Variants in TBC1D31 observed in about 807,000 individuals in gnomAD.
TBC1D31 encodes the protein TBC1 domain family member 31.
TBC1D31 carries 99 observed loss-of-function variants against 132.9 expected under a neutral mutation model. The ratio of observed to expected loss-of-function variants is 0.74; its 90% confidence interval spans 0.63 to 0.88. TBC1D31 has a LOEUF of 0.88. TBC1D31 is among the 40% of genes least tolerant of loss of function. The pLI is 0.00. For missense variants in TBC1D31, 1,134 were observed against 1,256.6 expected (o/e 0.90, Z 1.48); for synonymous variants, 385 against 419.4 (o/e 0.92, Z 1.00).
intron 2 of TBC1D31, among the ~76,000 whole-genome samples, chr8:123,082,023 G>C (rs955655690): frequency 6.6e-6 from 1 of 152,098 alleles, no homozygotes; most frequent in South Asian, 2.1e-4. Context: ...TTTAAATTAC[G>C]TATGTAGCCC....
Position 123,144,831 on chromosome 8 carries a change from C to CA in TBC1D31, c.2951dup (p.His984GlnfsTer3), listed in dbSNP as rs747284173. On this transcript the variant is annotated frameshift_variant, in exon 20 of 22. Coordinates refer to ENST00000287380, the MANE Select transcript of TBC1D31 (RefSeq NM_145647.4). LOFTEE classifies it high-confidence loss of function. ...GCAAGAGATAAATGCGGCTGTAGAA[C>CA]ATGCTGAAAATCCATGTCATAAAGG... The CA allele has an allele frequency of 5.8e-5, 94 of 1,612,720 alleles. No individual in the cohort carries two copies. Among genetic ancestry groups the CA allele is most frequent in the Non-Finnish European group, 7.4e-5 (87 of 1,179,740 alleles).
At chr8:123,153,406 A>G (rs1400582324), downstream of TBC1D31, among the ~76,000 whole-genome samples, 4 of 152,188 alleles carry the variant, frequency 2.6e-5, no homozygotes, top group Admixed American at 2.6e-4. Flanking sequence ...TCTTTTTTAT[A>G]TATAGAACTG....
rs575106434 is a variant in TBC1D31 at position 123,076,711 on chromosome 8, A to G, written c.78-400A>G. On this transcript the variant is annotated intron_variant, in intron 1 of 21. Coordinates refer to ENST00000287380, the MANE Select transcript of TBC1D31 (RefSeq NM_145647.4). ...ATTCACTGTGAAACATTCCATACAC[A>G]AAAACAAAATCTCATACCCTGTTGT... is the stretch of plus-strand genomic sequence containing the variant. 3.3e-5 allele frequency among the ~76,000 whole-genome samples: 5 copies of G among 152,338 alleles called. No homozygotes were observed. In the East Asian group the frequency reaches 9.6e-4, roughly 29 times the overall value.
intron 13 of TBC1D31, among the ~76,000 whole-genome samples, chr8:123,127,261 A>ATTTTTTTTTTTTTTTTTTTTTTTTT (rs35198781): frequency 2.9e-5 from 2 of 69,924 alleles, no homozygotes; most frequent in African/African-American, 1.2e-4. Flanking sequence ...TGCTTTTTGC[A>ATTTTTTTTTTTTTTTTTTTTTTTTT]TTTTTTTTTT....
intron 5 of TBC1D31, among the ~76,000 whole-genome samples, chr8:123,093,995 A>G (rs2130183712): frequency 6.6e-6 from 1 of 152,094 alleles, no homozygotes; most frequent in South Asian, 2.1e-4. Context: ...TATTTATACC[A>G]GCCTTTCCTC....
chr8:123,150,034 A>G lies in TBC1D31; in HGVS notation c.2975-2A>G. On this transcript the variant is annotated splice_acceptor_variant, in intron 20 of 21. Transcript: ENST00000287380. LOFTEE classifies it high-confidence loss of function. ...ATCTTAATCTCCTCACTTTTATAAC[A>G]GAAGAACCCAGGTTCCAAAATGAAC... 2 of 1,612,652 alleles carry G rather than the reference A, an allele frequency of 1.2e-6. No homozygotes were observed. The highest frequency in any genetic ancestry group is 1.7e-6 in the Non-Finnish European group (2 of 1,178,660).
the TBC1D31 span, among the ~76,000 whole-genome samples, chr8:123,159,829 T>A: frequency 2.6e-5 from 4 of 151,396 alleles, no homozygotes; most frequent in African/African-American, 9.7e-5. Flanking sequence ...ATTAATACGC[T>A]GAGGGGTGGC....
At chr8:123,160,877 G>A in the TBC1D31 span, among the ~76,000 whole-genome samples, 1 of 152,194 alleles carries the variant, frequency 6.6e-6, no homozygotes. Context: ...CCTTCGAGTG[G>A]AATGAAACTC....
At chr8:123,073,170 C>G (rs1032497847) in intron 1 of TBC1D31, 2 of 483,630 alleles carry the variant, frequency 4.1e-6, no homozygotes, top group South Asian at 1.8e-5. Context: ...GTCCCTGGCA[C>G]GTAGTAGGTG....
chr8:123,103,660 G>A (rs1045490553), intron 7 of TBC1D31: 1 of 152,260 alleles, frequency 6.6e-6, no homozygotes, highest in Non-Finnish European at 1.5e-5. Context: ...TGACCTTGGT[G>A]ATCCACCCGC....
chr8:123,154,677 C>A (rs1463025233), downstream of TBC1D31, among the ~76,000 whole-genome samples: 1 of 152,188 alleles, frequency 6.6e-6, no homozygotes, highest in Non-Finnish European at 1.5e-5. Context: ...CAGGGTGGTA[C>A]TGCTGGCATG....
intron 4 of TBC1D31, among the ~76,000 whole-genome samples, chr8:123,088,895 T>C (rs547880883): frequency 1.3e-5 from 2 of 152,212 alleles, no homozygotes; most frequent in Non-Finnish European, 2.9e-5. Context: ...GTTTCATCAT[T>C]ATTGTTTAAT....
At position 123,082,764 on chromosome 8, in the gene TBC1D31, A is replaced by C; in HGVS notation, c.287A>C (p.Lys96Thr). 6.2e-7 allele frequency: 1 copy of C among 1,613,456 alleles called. No individual in the cohort carries two copies. The highest frequency in any genetic ancestry group is 8.5e-7 in the Non-Finnish European group (1 of 1,179,992). Residue 96 changes from lysine to threonine, a missense_variant, in exon 3 of 22, where the codon AAA becomes ACA. Lys to Thr is a moderately conservative substitution (Grantham distance 78). Coordinates refer to ENST00000287380, the MANE Select transcript of TBC1D31 (RefSeq NM_145647.4). ...CTALAFNLRR[K>T]SEFLVALADY... ...GCTCTGGCCTTTAATCTTCGTAGGA[A>C]ATCTGAATTCCTTGTGGCATTAGCT...
chr8:123,073,120 CG>C, intron 1 of TBC1D31: 1 of 546,356 alleles, frequency 1.8e-6, no homozygotes, highest in South Asian at 1.9e-5. Context: ...TGCTGTGTAC[CG>C]GGACTCTCCT....
chr8:123,083,928 TC>T (rs1815449419), intron 3 of TBC1D31: 1 of 425,210 alleles, frequency 2.4e-6, no homozygotes, highest in Non-Finnish European at 4.2e-6. Context: ...TTGAAGTTAT[TC>T]TTCATCAAAG....
chr8:123,120,187 A>C lies in TBC1D31; in HGVS notation c.1569A>C (p.Ile523=). The C allele has an allele frequency of 6.3e-7, 1 of 1,597,580 alleles. No individual in the cohort carries two copies. The highest frequency in any genetic ancestry group is 8.5e-7 in the Non-Finnish European group (1 of 1,171,956). The change falls in exon 11 of 22, where the codon ATA becomes ATC. Residue 523 remains isoleucine, a splice_region_variant and synonymous_variant. Transcript: ENST00000287380. ...GTTTTGAAGTTATTGCTACTCTCAT[A>C]AGTAAGTAAATACTTGTTAAAGTAT... ...LICFEVIATL[I]INWCQHWFEY...
chr8:123,091,512 G>C (rs1469344154), intron 4 of TBC1D31, among the ~76,000 whole-genome samples: 1 of 152,120 alleles, frequency 6.6e-6, no homozygotes, highest in Non-Finnish European at 1.5e-5. Flanking sequence ...AATAGCAAAA[G>C]ATCTACCACA....
chr8:123,083,926 ATTC>A (rs1298184656), intron 3 of TBC1D31: 1 of 421,084 alleles, frequency 2.4e-6, no homozygotes, highest in Non-Finnish European at 4.2e-6. Flanking sequence ...TTTTGAAGTT[ATTC>A]TTCATCAAAG....
intron 10 of TBC1D31, among the ~76,000 whole-genome samples, chr8:123,113,903 A>T (rs1818677566): frequency 6.6e-6 from 1 of 152,230 alleles, no homozygotes; most frequent in Non-Finnish European, 1.5e-5. Context: ...AAATTCAATG[A>T]GTGAGCCTTT....
Sources: gnomAD v4.1 joint callset for allele counts (sites outside exome capture counted in the v4.1 genomes callset) on GRCh38, gnomAD v4.1.1 for gene constraint, MANE v1.5 for transcripts, NCBI Gene and HGNC (gene_info 2026-07-23, HGNC 2026-07-21) for gene names.